PIAS3: variants seen among roughly 807,000 people sequenced by gnomAD.
The protein encoded by PIAS3 is protein inhibitor of activated STAT 3.
In PIAS3, 34 loss-of-function variants were observed where a neutral mutation model predicts 67.6. That is an observed-to-expected ratio of 0.50 (90% CI 0.38 to 0.67). The LOEUF is 0.67. Ranked by LOEUF, PIAS3 falls within the 30% of genes least tolerant of loss-of-function variation. The probability of loss-of-function intolerance (pLI) is 0.00; values close to 1 mark genes in which losing one functional copy is unlikely to be tolerated. For synonymous variants in PIAS3, 341 were observed against 313.8 expected, an observed-to-expected ratio of 1.09 and a Z score of -0.92; for missense variants, 693 against 791.6, an observed-to-expected ratio of 0.88 and a Z score of 1.49.
intron 7 of PIAS3, 194 bp from the exon 8 acceptor site, chr1:145,854,080 T>G: frequency 1.2e-5 from 7 of 606,802 alleles, no homozygotes; most frequent in Non-Finnish European, 2.1e-5. Flanking sequence ...TTCCCATCCC[T>G]GAAGATGCTT....
At position 145,851,005 on chromosome 1, in the gene PIAS3, C is replaced by G. The variant is rs1311138299; in HGVS notation, c.1279+15G>C. The G allele has an allele frequency of 1.2e-6, 2 of 1,614,054 alleles. No homozygotes were observed. The highest frequency in any genetic ancestry group is 2.7e-5 in the African/African-American group (2 of 74,934). On this transcript the variant is annotated intron_variant, in intron 10 of 13. Coordinates refer to ENST00000393045, the MANE Select transcript of PIAS3 (RefSeq NM_006099.3). ...TCCAAGATTTAGCTTAGCTGGGGAA[C>G]AGGGGGTCACTCACCATCCAGCCCA... is the stretch of plus-strand genomic sequence containing the variant.
At chr1:145,858,494 G>A (rs1162276689) in intron 1 of PIAS3, among the ~76,000 whole-genome samples, 1 of 145,512 alleles carries the variant, frequency 6.9e-6, no homozygotes, top group Non-Finnish European at 1.5e-5. Flanking sequence ...CCCAAAGCTC[G>A]GATCCCGAGA....
chr1:145,849,701 G>C lies in PIAS3; in HGVS notation c.1632C>G (p.Pro544=), dbSNP rs1652877498. 1 of 1,602,874 alleles carries C rather than the reference G, an allele frequency of 6.2e-7. No homozygotes were observed. The highest frequency in any genetic ancestry group is 8.5e-7 in the Non-Finnish European group (1 of 1,174,996). ...GTTCATCTAGTGAGGTGATGACAGA[G>C]GGGCCATAGTGCTAGGAAGAATCAA... is the stretch of plus-strand genomic sequence containing the variant. ...FLQTESQHYG[P]SVITSLDEQD... is the part of the protein sequence containing the mutation. Residue 544 remains proline, a synonymous_variant, in exon 14 of 14, where the codon CCC becomes CCG. Transcript: ENST00000393045.
In PIAS3 at chr1:145,856,685, G is replaced by C; in HGVS notation, c.346C>G (p.His116Asp). 1 of 1,610,074 alleles carries C rather than the reference G, an allele frequency of 6.2e-7. No individual in the cohort carries two copies. Residue 116 changes from histidine to aspartate, a missense_variant, in exon 2 of 14, where the codon CAC (histidine) becomes GAC (aspartate). By Grantham distance (81) the His-to-Asp change is moderately conservative. Coordinates refer to ENST00000393045, the MANE Select transcript of PIAS3 (RefSeq NM_006099.3). ...LLGPKREVDM[H>D]PPLPQPVHPD... ...TGCACAGGCTGGGGCAGAGGGGGGT[G>C]CATGTCCACCTCACGCTTGGGGCCC...
chr1:145,850,214 G>A lies in PIAS3; in HGVS notation c.1620+18C>T, dbSNP rs782128292. On this transcript the variant is annotated intron_variant, in intron 13 of 13. Transcript: ENST00000393045. ...AAGCTTCAGAGATCTGAGACCTTCT[G>A]AAGAAAGAACCACTTACCTGACTCT... The A allele has an allele frequency of 5.0e-6, 8 of 1,614,154 alleles. No homozygotes were observed. Among genetic ancestry groups the A allele is most frequent in the Non-Finnish European group, 6.8e-6 (8 of 1,180,030 alleles).
chr1:145,849,558 C>T lies in PIAS3; in HGVS notation c.1775G>A (p.Arg592His), dbSNP rs148589543. 3.7e-4 allele frequency: 592 copies of T among 1,605,452 alleles called. 2 individuals are homozygous for T. Among genetic ancestry groups the T allele is most frequent in the Non-Finnish European group, 4.8e-4 (567 of 1,176,060 alleles). The change falls in exon 14 of 14, where the codon CGT becomes CAT. Residue 592 changes from arginine to histidine, a missense_variant. By Grantham distance (29) the Arg-to-His change is conservative. Coordinates refer to ENST00000393045, the MANE Select transcript of PIAS3 (RefSeq NM_006099.3). ...CCCAGGGGCCACAATGCTGCTGACA[C>T]GGCCAGGAGGGGGCGCCGGAGTGGC... ...CSATPAPPPG[R>H]VSSIVAPGGA...
At chr1:145,850,104 T>C (rs2101677081) in intron 13 of PIAS3, 128 bp downstream of exon 13, 1 of 1,539,790 alleles carries the variant, frequency 6.5e-7, no homozygotes, top group Non-Finnish European at 8.7e-7. Flanking sequence ...ATAAGATACC[T>C]ACACCCCACT....
In PIAS3 at chr1:145,859,073, G is replaced by T; in HGVS notation, c.-83C>A. On this transcript the variant is annotated 5_prime_UTR_variant, in exon 1 of 14. Transcript: ENST00000393045. ...ACAACTCTCCACCCTGGCGCCGGCC[G>T]CAAATGCCGCCTGCTCCGCCCAGTC... The T allele has an allele frequency of 7.2e-7, 1 of 1,395,160 alleles. No homozygotes were observed. 86.4% of individuals were successfully genotyped at this position (1,395,160 alleles called of 1,614,324 possible). A position where few individuals can be genotyped will look rare whatever the true frequency, so the allele number is the denominator to read the frequency against.
chr1:145,853,707 T>C, intron 8 of PIAS3, 43 bp from the exon 9 acceptor site: 1 of 1,610,280 alleles, frequency 6.2e-7, no homozygotes, highest in Non-Finnish European at 8.5e-7. Context: ...CTACTCTGAT[T>C]TCATCCCAGA....
intron 5 of PIAS3, among the ~76,000 whole-genome samples, chr1:145,855,479 G>A (rs1356897905): frequency 2.1e-5 from 3 of 145,328 alleles, no homozygotes; most frequent in Non-Finnish European, 4.6e-5. Flanking sequence ...GAGTGACTCT[G>A]TCTCAAAAAA....
rs1377142564 is a variant in PIAS3, at chr1:145,849,304, A to G, written c.*142T>C. Reference sequence around the variant, plus strand: ...TGGGTGCTGGCCTTGTCAGGCAGAGATGAGGCCAAAAGTAGGCATCTGTGA... The same window carrying G: ...TGGGTGCTGGCCTTGTCAGGCAGAGGTGAGGCCAAAAGTAGGCATCTGTGA... On this transcript the variant is annotated 3_prime_UTR_variant, in exon 14 of 14. Transcript: ENST00000393045. The G allele has an allele frequency of 7.8e-5, 60 of 766,836 alleles. 1 individual carries two copies. In the Middle Eastern group the frequency reaches 1.3e-3, roughly 16 times the overall value. 47.5% of individuals were successfully genotyped at this position (766,836 alleles called of 1,614,324 possible). A position where few individuals can be genotyped will look rare whatever the true frequency, so the allele number is the denominator to read the frequency against.
At chr1:145,854,680 G>A in intron 6 of PIAS3, 66 bp downstream of exon 6, 1 of 1,610,258 alleles carries the variant, frequency 6.2e-7, no homozygotes, top group East Asian at 2.2e-5. Flanking sequence ...CCCCAACCCA[G>A]GACACTGGAT....
At position 145,850,951 on chromosome 1, in the gene PIAS3, A is replaced by T; in HGVS notation, c.1280-12T>A. The T allele has an allele frequency of 1.2e-6, 2 of 1,614,110 alleles. No individual in the cohort carries two copies. The highest frequency in any genetic ancestry group is 1.1e-5 in the South Asian group (1 of 91,080). ...GCTGTACTGGAGGCCTGTGGGTATTAAGAAGACTACGTCTCAGAGAAGAGG... is the reference window on the plus strand; with the variant it reads ...GCTGTACTGGAGGCCTGTGGGTATTTAGAAGACTACGTCTCAGAGAAGAGG... On this transcript the variant is annotated splice_polypyrimidine_tract_variant and intron_variant, in intron 10 of 13. Coordinates refer to ENST00000393045, the MANE Select transcript of PIAS3 (RefSeq NM_006099.3).
At chr1:145,858,924 G>T (rs1553736119) in intron 1 of PIAS3, 43 bp downstream of exon 1, 1 of 1,470,148 alleles carries the variant, frequency 6.8e-7, no homozygotes, top group Non-Finnish European at 9.0e-7. Flanking sequence ...ACGGCGTACC[G>T]CCGGGCTGAG....
Position 145,849,198 on chromosome 1 carries a change from C to A in PIAS3, c.*248G>T. 2.8e-6 allele frequency: 1 copy of A among 350,968 alleles called. No homozygotes were observed. The highest frequency in any genetic ancestry group is 5.1e-6 in the Non-Finnish European group (1 of 196,956). 21.7% of individuals were successfully genotyped at this position (350,968 alleles called of 1,614,324 possible). A position where few individuals can be genotyped will look rare whatever the true frequency, so the allele number is the denominator to read the frequency against. On this transcript the variant is annotated 3_prime_UTR_variant, in exon 14 of 14. Transcript: ENST00000393045. ...CTCCCACTGCCTAGGTTAACATACCCAAAGGAATGTGCCACCATCTAAAGA... is the reference window on the plus strand; with the variant it reads ...CTCCCACTGCCTAGGTTAACATACCAAAAGGAATGTGCCACCATCTAAAGA...
At chr1:145,849,779 T>C in intron 13 of PIAS3, 67 bp from the exon 14 acceptor site, 1 of 1,511,958 alleles carries the variant, frequency 6.6e-7, no homozygotes, top group Non-Finnish European at 8.8e-7. Flanking sequence ...GTCACTCATC[T>C]CAGAAATGCC....
intron 3 of PIAS3, 54 bp from the exon 4 acceptor site, chr1:145,856,172 G>T: frequency 6.7e-7 from 1 of 1,487,632 alleles, no homozygotes; most frequent in Non-Finnish European, 9.4e-7. Flanking sequence ...CAGAGGGCAA[G>T]GGTGAATGCA....
intron 13 of PIAS3, 24 bp downstream of exon 13, chr1:145,850,208 C>G (rs1553733822): frequency 6.2e-7 from 1 of 1,614,026 alleles, no homozygotes; most frequent in East Asian, 2.2e-5. Context: ...AGATCTGAGA[C>G]CTTCTGAAGA....
In PIAS3 at chr1:145,849,415, G is replaced by A. The variant is rs1409211581; in HGVS notation, c.*31C>T. 5.4e-6 allele frequency: 8 copies of A among 1,476,496 alleles called. No homozygotes were observed. The highest frequency in any genetic ancestry group is 7.1e-6 in the Non-Finnish European group (8 of 1,120,520). The allele number at this position is 1,476,496 out of a possible 1,614,324, so 91.5% of individuals were successfully genotyped here. ...CCACAGCATACTTGCTCAGTGTTGG[G>A]GGACAGCGAAGTTTCCATAATCCAG... On this transcript the variant is annotated 3_prime_UTR_variant, in exon 14 of 14. Coordinates refer to ENST00000393045, the MANE Select transcript of PIAS3 (RefSeq NM_006099.3).
Sources: allele counts gnomAD v4.1 joint callset (sites outside exome capture counted in the v4.1 genomes callset), GRCh38; gene constraint gnomAD v4.1.1; transcripts MANE v1.5; gene names NCBI Gene and HGNC (gene_info 2026-07-23, HGNC 2026-07-21).